Variants in TFPI observed in about 807,000 individuals in gnomAD.
TFPI encodes tissue factor pathway inhibitor.
TFPI carries 15 observed loss-of-function variants against 34.6 expected under a neutral mutation model. The ratio of observed to expected loss-of-function variants is 0.43; its 90% CI spans 0.29 to 0.67. The LOEUF is 0.67. Ranked by LOEUF, TFPI falls within the 30% of genes least tolerant of loss-of-function variation. The pLI, the probability that TFPI is intolerant of heterozygous loss-of-function variation, is 0.15. For synonymous variants in TFPI, 105 were observed against 120.1 expected, an observed-to-expected ratio of 0.87 and a Z score of 0.82; for missense variants, 301 against 364.0, an observed-to-expected ratio of 0.83 and a Z score of 1.41.
At chr2:187,476,340 C>T (rs372842721) in intron 6 of TFPI, among the ~76,000 whole-genome samples, 88 of 152,222 alleles carry the variant, frequency 5.8e-4, no homozygotes, top group African/African-American at 1.9e-3. Context: ...TCCTGATCAA[C>T]AGATTTTATT....
intron 1 of TFPI, among the ~76,000 whole-genome samples, chr2:187,520,860 T>A (rs1012753480): frequency 1.3e-5 from 2 of 152,156 alleles, no homozygotes; most frequent in African/African-American, 2.4e-5. Flanking sequence ...AATGGTCTCC[T>A]GGCTTTGGCA....
intron 1 of TFPI, among the ~76,000 whole-genome samples, chr2:187,543,291 A>G (rs1688678297): frequency 1.3e-5 from 2 of 152,250 alleles, no homozygotes; most frequent in Admixed American, 1.3e-4. Flanking sequence ...AAGTTATTAG[A>G]TATGGTGGCA....
chr2:187,534,634 G>A lies in TFPI; in HGVS notation c.-3+19566C>T, dbSNP rs137871199. On this transcript the variant is annotated intron_variant, in intron 1 of 7. Coordinates refer to ENST00000233156, the MANE Select transcript of TFPI (RefSeq NM_006287.6). The stretch of plus-strand genomic sequence containing the variant: ...AAAAACATAACAGATTGTAAAGACC[G>A]TCAACACTATGAAGCAACTGCATCA... 6.6e-3 allele frequency among the ~76,000 whole-genome samples: 998 copies of A among 152,140 alleles called. 9 individuals carry two copies. Among genetic ancestry groups the A allele is most frequent in the African/African-American group, 0.022 (912 of 41,522 alleles).
At position 187,478,584 on chromosome 2, in the gene TFPI, A is replaced by T. The variant is rs185051512; in HGVS notation, c.628+5540T>A. On this transcript the variant is annotated intron_variant, in intron 6 of 7. Transcript: ENST00000233156. ...GTGCAGTGAGAAGACTATGTTTACT[A>T]TGCATGTAAATATTAAAACTTTATT... 470 of 1,463,022 alleles carry T rather than the reference A, an allele frequency of 3.2e-4. 2 individuals are homozygous for T. The African/African-American group carries it at 6.2e-3, about 19-fold the overall frequency. The allele number at this position is 1,463,022 out of a possible 1,614,324, so 90.6% of individuals were successfully genotyped here. A position where few individuals can be genotyped will look rare whatever the true frequency, so the allele number is the denominator to read the frequency against.
intron 6 of TFPI, 50 bp from the exon 7 acceptor site, chr2:187,467,982 A>G: frequency 6.9e-7 from 1 of 1,457,106 alleles, no homozygotes; most frequent in Non-Finnish European, 9.1e-7. Context: ...AGTGGATTTC[A>G]GGTTTTCGTA....
chr2:187,490,046 A>G (rs1685006597), intron 3 of TFPI, among the ~76,000 whole-genome samples: 2 of 151,618 alleles, frequency 1.3e-5, no homozygotes, highest in African/African-American at 4.8e-5. Context: ...TTAATATTTC[A>G]TTATGAATAT....
chr2:187,472,229 CCTCA>C (rs940959797), intron 6 of TFPI, among the ~76,000 whole-genome samples: 1 of 151,848 alleles, frequency 6.6e-6, no homozygotes, highest in Non-Finnish European at 1.5e-5. Context: ...TTTATATAGG[CCTCA>C]CTCTTTTTAA....
intron 6 of TFPI, among the ~76,000 whole-genome samples, chr2:187,473,812 T>C (rs10186632): frequency 0.04 from 5,988 of 150,088 alleles, 309 homozygotes; most frequent in African/African-American, 0.12. Context: ...CTTTTTTTTT[T>C]CCCCCCGCAT....
At chr2:187,548,576 A>G (rs764806112) in intron 1 of TFPI, among the ~76,000 whole-genome samples, 4 of 152,054 alleles carry the variant, frequency 2.6e-5, no homozygotes, top group Admixed American at 6.6e-5. Context: ...GGTTTCCAGC[A>G]CCTATTAGGG....
At chr2:187,551,515 A>G (rs2106337595) in intron 1 of TFPI, among the ~76,000 whole-genome samples, 1 of 152,254 alleles carries the variant, frequency 6.6e-6, no homozygotes, top group South Asian at 2.1e-4. Flanking sequence ...TCTACTTGGC[A>G]CCTGACACTT....
Position 187,484,209 on chromosome 2 carries a change from A to G in TFPI, c.543T>C (p.Gly181=), listed in dbSNP as rs771246347. ...GGGTTCCATAATTATCCACCTGGAAACCATTCGCTGGAAAAAAATACAGCC... is the reference window on the plus strand; with the variant it reads ...GGGTTCCATAATTATCCACCTGGAAGCCATTCGCTGGAAAAAAATACAGCC... ...CKNICEDGPN[G]FQVDNYGTQL... is the part of the protein sequence containing the mutation. Residue 181 remains glycine (G), a synonymous_variant, in exon 6 of 8, where the codon GGT becomes GGC. Transcript: ENST00000233156. The G allele has an allele frequency of 6.2e-7, 1 of 1,610,916 alleles. No homozygotes were observed. Among genetic ancestry groups the G allele is most frequent in the Non-Finnish European group, 8.5e-7 (1 of 1,178,244 alleles).
chr2:187,478,880 G>T, intron 6 of TFPI: 1 of 1,233,730 alleles, frequency 8.1e-7, no homozygotes, highest in Middle Eastern at 2.7e-4. Context: ...TGCTGAGGGT[G>T]GGGGAAGTCT....
At chr2:187,504,162 A>G (rs1012311649) in intron 1 of TFPI, among the ~76,000 whole-genome samples, 10 of 152,108 alleles carry the variant, frequency 6.6e-5, no homozygotes, top group Admixed American at 5.9e-4. Context: ...GTCAGAACCA[A>G]TAATTATTTA....
intron 1 of TFPI, chr2:187,516,761 T>C (rs1056744851): frequency 9.9e-5 from 15 of 152,174 alleles, no homozygotes; most frequent in African/African-American, 3.1e-4. Context: ...GATCCACCCC[T>C]GACCTAACCG....
intron 1 of TFPI, among the ~76,000 whole-genome samples, chr2:187,523,449 T>C (rs1317067935): frequency 6.6e-6 from 1 of 152,118 alleles, no homozygotes; most frequent in Non-Finnish European, 1.5e-5. Context: ...GCTCCACTTA[T>C]TTTCAATGTT....
chr2:187,519,389 G>A (rs183953265), intron 1 of TFPI: 9 of 152,954 alleles, frequency 5.9e-5, no homozygotes, highest in African/African-American at 1.7e-4. Flanking sequence ...CCTTCTGAAA[G>A]TCAGGCTCCT....
intron 6 of TFPI, among the ~76,000 whole-genome samples, chr2:187,476,453 C>T (rs1206291510): frequency 6.6e-6 from 1 of 152,086 alleles, no homozygotes; most frequent in Non-Finnish European, 1.5e-5. Context: ...AATCCTCCCA[C>T]CTCAGCCTCC....
chr2:187,536,068 T>G (rs911631248), intron 1 of TFPI, among the ~76,000 whole-genome samples: 8 of 151,804 alleles, frequency 5.3e-5, no homozygotes, highest in Non-Finnish European at 1.2e-4. Flanking sequence ...CAATAACAAG[T>G]CCTGAAATTG....
At chr2:187,498,942 T>G (rs1040461005) in intron 2 of TFPI, among the ~76,000 whole-genome samples, 4 of 152,032 alleles carry the variant, frequency 2.6e-5, no homozygotes, top group Non-Finnish European at 4.4e-5. Flanking sequence ...CAAATTTTTC[T>G]GGAGTTATAT....
Sources: allele counts gnomAD v4.1 joint callset (sites outside exome capture counted in the v4.1 genomes callset), GRCh38; gene constraint gnomAD v4.1.1; transcripts MANE v1.5; gene names NCBI Gene and HGNC (gene_info 2026-07-23, HGNC 2026-07-21).